Variants in DOK6 observed in about 807,000 individuals in gnomAD.
DOK6 encodes the protein downstream of tyrosine kinase 6.
DOK6 carries 22 observed loss-of-function variants against 44.0 expected under a neutral mutation model. The ratio of observed to expected loss-of-function variants is 0.50; its 90% CI spans 0.36 to 0.71. DOK6 has a LOEUF of 0.71. Ranked by LOEUF, DOK6 falls within the 30% of genes least tolerant of loss-of-function variation. The probability of loss-of-function intolerance (pLI) is 0.00; values close to 1 mark genes in which losing one functional copy is unlikely to be tolerated. For missense variants in DOK6, 340 were observed against 416.4 expected, an observed-to-expected ratio of 0.82 and a Z score of 1.60; for synonymous variants, 166 against 145.5, an observed-to-expected ratio of 1.14 and a Z score of -1.01.
intron 1 of DOK6, among the ~76,000 whole-genome samples, chr18:69,415,574 C>T (rs909040916): frequency 6.6e-6 from 1 of 151,954 alleles, no homozygotes; most frequent in Non-Finnish European, 1.5e-5. Flanking sequence ...ACAGTTTTAC[C>T]CCAGTAGCTA....
At chr18:69,675,222 T>C (rs773965719) in intron 3 of DOK6, among the ~76,000 whole-genome samples, 16 of 152,146 alleles carry the variant, frequency 1.1e-4, no homozygotes, top group Non-Finnish European at 1.9e-4. Flanking sequence ...AGAAGCCTTT[T>C]ACTGTATGAT....
chr18:69,461,731 G>A (rs1157201109), intron 1 of DOK6, among the ~76,000 whole-genome samples: 1 of 152,048 alleles, frequency 6.6e-6, no homozygotes, highest in Non-Finnish European at 1.5e-5. Context: ...TAGTCCTATT[G>A]TTGTTTGCTA....
intron 1 of DOK6, among the ~76,000 whole-genome samples, chr18:69,510,373 T>A (rs1443809443): frequency 2.6e-5 from 4 of 152,210 alleles, no homozygotes; most frequent in Non-Finnish European, 5.9e-5. Context: ...ATACTCACTG[T>A]TCAGGCCATA....
chr18:69,627,606 A>G (rs952240513), intron 3 of DOK6, among the ~76,000 whole-genome samples: 1 of 151,728 alleles, frequency 6.6e-6, no homozygotes, highest in Non-Finnish European at 1.5e-5. Context: ...CCGCCACCAC[A>G]CCCAGCTAGT....
chr18:69,616,208 A>C (rs981603464), intron 3 of DOK6, among the ~76,000 whole-genome samples: 2 of 152,128 alleles, frequency 1.3e-5, no homozygotes, highest in East Asian at 3.8e-4. Context: ...TTACTATCAC[A>C]CTGGTGCTGC....
chr18:69,682,432 C>T (rs1986065383), intron 4 of DOK6, among the ~76,000 whole-genome samples: 1 of 152,170 alleles, frequency 6.6e-6, no homozygotes, highest in African/African-American at 2.4e-5. Context: ...CTGGGTTGTG[C>T]TGAGACTGGC....
rs1982262692 is a variant in DOK6, at chr18:69,842,883, T to C, written c.*1500T>C. The C allele has an allele frequency of 6.6e-6, 1 of 152,156 alleles. No homozygotes were observed. Among genetic ancestry groups the C allele is most frequent in the African/African-American group, 2.4e-5 (1 of 41,450 alleles). The allele number at this position is 152,156 out of a possible 1,614,324, so 9.4% of individuals were successfully genotyped here. The stretch of plus-strand genomic sequence containing the variant: ...AACAGTGAGCTCAGGTCACGCAAGA[T>C]GAAAACCCAGGTTTTTTTTTTCTTA... On this transcript the variant is annotated 3_prime_UTR_variant, in exon 8 of 8. Transcript: ENST00000382713.
At chr18:69,432,169 A>G (rs1978824393) in intron 1 of DOK6, among the ~76,000 whole-genome samples, 1 of 152,230 alleles carries the variant, frequency 6.6e-6, no homozygotes, top group African/African-American at 2.4e-5. Flanking sequence ...TTGTCTGGGC[A>G]TGGTGGCCCA....
chr18:69,584,776 T>G (rs1017546594), intron 2 of DOK6, among the ~76,000 whole-genome samples: 1 of 150,574 alleles, frequency 6.6e-6, no homozygotes. Flanking sequence ...ACTCAAGTTT[T>G]CTGTTTTTTT....
chr18:69,827,049 G>C (rs777082989), intron 7 of DOK6, among the ~76,000 whole-genome samples: 19 of 152,078 alleles, frequency 1.2e-4, no homozygotes, highest in Non-Finnish European at 1.8e-4. Flanking sequence ...TTGATCTAGG[G>C]ATAAATTGTT....
chr18:69,786,438 A>C (rs1980432387), intron 7 of DOK6, among the ~76,000 whole-genome samples: 1 of 152,240 alleles, frequency 6.6e-6, no homozygotes, highest in African/African-American at 2.4e-5. Context: ...TTTAATATAA[A>C]GAGTCAGCCT....
intron 1 of DOK6, among the ~76,000 whole-genome samples, chr18:69,491,845 T>A (rs1031798376): frequency 1.4e-4 from 22 of 152,234 alleles, no homozygotes; most frequent in Admixed American, 1.3e-3. Flanking sequence ...ATAAATCATC[T>A]TTTTTCTTAA....
chr18:69,680,696 A>G (rs1488176985), intron 4 of DOK6, among the ~76,000 whole-genome samples: 2 of 152,180 alleles, frequency 1.3e-5, no homozygotes, highest in Admixed American at 6.5e-5. Flanking sequence ...CCCCATACTT[A>G]TGATAATTCC....
At chr18:69,432,082 A>G (rs1599128024) in intron 1 of DOK6, among the ~76,000 whole-genome samples, 1 of 152,202 alleles carries the variant, frequency 6.6e-6, no homozygotes, top group African/African-American at 2.4e-5. Flanking sequence ...ACAATTAAAC[A>G]TCGATATTTC....
At position 69,417,571 on chromosome 18, in the gene DOK6, T is replaced by C. The variant is rs927164868; in HGVS notation, c.66+16261T>C. On this transcript the variant is annotated intron_variant, in intron 1 of 7. Coordinates refer to ENST00000382713, the MANE Select transcript of DOK6 (RefSeq NM_152721.6). ...ATATACTGATTTCCTTTCTTTTGTA[T>C]ATATACCCAGAGATGGGATTGCTGG... is the stretch of plus-strand genomic sequence containing the variant. Among the ~76,000 whole-genome samples, 18 of 152,158 alleles carry C rather than the reference T, an allele frequency of 1.2e-4. 1 individual carries two copies. The highest frequency in any genetic ancestry group is 4.3e-4 in the African/African-American group (18 of 41,452).
intron 6 of DOK6, among the ~76,000 whole-genome samples, chr18:69,742,013 T>TA (rs1208951512): frequency 1.3e-5 from 2 of 152,220 alleles, no homozygotes; most frequent in Non-Finnish European, 2.9e-5. Context: ...CCCTTGTTTA[T>TA]AACCCACTTT....
chr18:69,675,344 A>G (rs1328094150), intron 3 of DOK6, among the ~76,000 whole-genome samples: 1 of 152,220 alleles, frequency 6.6e-6, no homozygotes, highest in Non-Finnish European at 1.5e-5. Flanking sequence ...TAAAGAGAAT[A>G]TTGGCACCAA....
intron 3 of DOK6, among the ~76,000 whole-genome samples, chr18:69,639,777 T>C (rs17198651): frequency 0.051 from 7,727 of 152,118 alleles, 271 homozygotes; most frequent in Non-Finnish European, 0.077. Flanking sequence ...AGAGAAAAAG[T>C]CAACAGAGCA....
intron 5 of DOK6, among the ~76,000 whole-genome samples, 149 bp from the exon 6 acceptor site, chr18:69,738,812 TTTGG>T (rs1978699779): frequency 6.6e-6 from 1 of 152,210 alleles, no homozygotes; most frequent in African/African-American, 2.4e-5. Flanking sequence ...AGATGCACTT[TTTGG>T]TTGGTTTGGT....
Sources: allele counts gnomAD v4.1 joint callset (sites outside exome capture counted in the v4.1 genomes callset), GRCh38; gene constraint gnomAD v4.1.1; transcripts MANE v1.5; gene names NCBI Gene and HGNC (gene_info 2026-07-23, HGNC 2026-07-21).